CADM1: variants seen among roughly 807,000 people sequenced by gnomAD.
CADM1 encodes cell adhesion molecule 1.
A neutral mutation model predicts 53.1 loss-of-function variants in CADM1; 15 were observed. The ratio of observed to expected loss-of-function variants is 0.28; its 90% confidence interval spans 0.19 to 0.44. CADM1 has a LOEUF of 0.44. Ranked by LOEUF, CADM1 falls within the 20% of genes least tolerant of loss-of-function variation. The probability of loss-of-function intolerance (pLI) is 1.00; values close to 1 mark genes in which losing one functional copy is unlikely to be tolerated. For synonymous variants in CADM1, 281 were observed against 243.0 expected, an observed-to-expected ratio of 1.16 and a Z score of -1.45; for missense variants, 434 against 611.3, an observed-to-expected ratio of 0.71 and a Z score of 3.06.
chr11:115,459,413 C>T (rs899182236), intron 1 of CADM1, among the ~76,000 whole-genome samples: 3 of 151,922 alleles, frequency 2.0e-5, no homozygotes, highest in African/African-American at 7.3e-5. Context: ...TTACATTTTC[C>T]AAAGAGAAAT....
intron 1 of CADM1, among the ~76,000 whole-genome samples, chr11:115,301,637 T>C (rs1944224293): frequency 2.0e-5 from 3 of 152,074 alleles, no homozygotes; most frequent in Admixed American, 2.0e-4. Flanking sequence ...AGTAATATGA[T>C]ACAGTGCATA....
intron 1 of CADM1, among the ~76,000 whole-genome samples, chr11:115,503,982 GC>G (rs1378137461): frequency 1.3e-5 from 2 of 152,122 alleles, no homozygotes; most frequent in Non-Finnish European, 2.9e-5. Flanking sequence ...CAGCCCCCGG[GC>G]CCCCCATTCT....
intron 1 of CADM1, among the ~76,000 whole-genome samples, chr11:115,269,288 C>G (rs1170807286): frequency 1.3e-5 from 2 of 152,148 alleles, no homozygotes; most frequent in Non-Finnish European, 2.9e-5. Context: ...AAATCAACAT[C>G]AGAGACAAGC....
At chr11:115,381,336 T>C (rs1380896634) in intron 1 of CADM1, among the ~76,000 whole-genome samples, 1 of 149,222 alleles carries the variant, frequency 6.7e-6, no homozygotes, top group Non-Finnish European at 1.5e-5. Context: ...CTTTCAAGAC[T>C]GTGCAAAATG....
intron 1 of CADM1, among the ~76,000 whole-genome samples, chr11:115,357,891 A>C (rs1424840659): frequency 6.6e-6 from 1 of 152,216 alleles, no homozygotes; most frequent in African/African-American, 2.4e-5. Context: ...AACAGAAAAA[A>C]GTCTGTCTTT....
intron 1 of CADM1, among the ~76,000 whole-genome samples, chr11:115,493,765 CAATT>C (rs1235346868): frequency 6.6e-6 from 1 of 152,050 alleles, no homozygotes; most frequent in Non-Finnish European, 1.5e-5. Context: ...AATGATCAAA[CAATT>C]TGTAGAACTA....
chr11:115,371,049 G>C (rs1946294111), intron 1 of CADM1, among the ~76,000 whole-genome samples: 1 of 152,034 alleles, frequency 6.6e-6, no homozygotes, highest in Admixed American at 6.5e-5. Flanking sequence ...CATATTTCAA[G>C]CAAAGCTAAA....
At chr11:115,206,318 G>A (rs1940674988) in intron 8 of CADM1, among the ~76,000 whole-genome samples, 1 of 152,178 alleles carries the variant, frequency 6.6e-6, no homozygotes, top group South Asian at 2.1e-4. Context: ...GCCACATTTA[G>A]ATGTGTGCCT....
intron 1 of CADM1, among the ~76,000 whole-genome samples, chr11:115,449,295 G>C (rs1948519483): frequency 6.6e-6 from 1 of 152,130 alleles, no homozygotes; most frequent in Admixed American, 6.6e-5. Flanking sequence ...CCAAAACTGT[G>C]AGCAATACAT....
chr11:115,266,920 C>T (rs545402042), intron 1 of CADM1, among the ~76,000 whole-genome samples: 9 of 152,276 alleles, frequency 5.9e-5, no homozygotes, highest in Non-Finnish European at 7.3e-5. Context: ...TTGTTTTAAC[C>T]GTGATGTGAT....
chr11:115,372,437 C>T (rs58313857), intron 1 of CADM1, among the ~76,000 whole-genome samples: 1 of 152,118 alleles, frequency 6.6e-6, no homozygotes, highest in East Asian at 1.9e-4. Context: ...GTTGCTCCCC[C>T]ACTTATAAGA....
intron 1 of CADM1, chr11:115,287,449 C>T (rs1023835651): frequency 1.3e-5 from 2 of 152,252 alleles, no homozygotes; most frequent in African/African-American, 2.4e-5. Context: ...GAGCTCCACG[C>T]TCCTGGCCTC....
intron 9 of CADM1, among the ~76,000 whole-genome samples, chr11:115,196,685 C>T (rs140335218): frequency 0.012 from 1,772 of 151,214 alleles, 94 homozygotes; most frequent in Admixed American, 0.1. Flanking sequence ...CATTCAAAGC[C>T]GTCCTGGGCC....
chr11:115,333,472 T>G (rs1192365528), intron 1 of CADM1: 1 of 152,152 alleles, frequency 6.6e-6, no homozygotes, highest in Non-Finnish European at 1.5e-5. Flanking sequence ...TTCTTAGTCT[T>G]TATGAGATCA....
intron 1 of CADM1, among the ~76,000 whole-genome samples, chr11:115,309,481 T>G (rs1944475544): frequency 6.6e-6 from 1 of 152,162 alleles, no homozygotes; most frequent in African/African-American, 2.4e-5. Flanking sequence ...GAGCTAGGTA[T>G]TTATGCCAAT....
intron 1 of CADM1, chr11:115,399,652 T>G (rs529756112): frequency 2.6e-5 from 4 of 151,402 alleles, no homozygotes; most frequent in East Asian, 1.9e-4. Context: ...AAAAGAGCTG[T>G]TTTTTTTCAT....
At chr11:115,432,837 T>C (rs1407989066) in intron 1 of CADM1, among the ~76,000 whole-genome samples, 1 of 152,220 alleles carries the variant, frequency 6.6e-6, no homozygotes, top group Admixed American at 6.5e-5. Context: ...AACAAGAGTC[T>C]ATCGGCTTAC....
Position 115,238,667 on chromosome 11 carries a change from A to G in CADM1, c.272-15T>C. On this transcript the variant is annotated splice_polypyrimidine_tract_variant and intron_variant, in intron 2 of 11. Transcript: ENST00000331581. Reference sequence around the variant, plus strand: ...GTCCTTCAAAGCTGTGAAACAAAACAGAGAGTTAGTGATTGTGAGAAGGTG... The same window carrying G: ...GTCCTTCAAAGCTGTGAAACAAAACGGAGAGTTAGTGATTGTGAGAAGGTG... 6.2e-7 allele frequency: 1 copy of G among 1,613,430 alleles called. No individual in the cohort carries two copies. Among genetic ancestry groups the G allele is most frequent in the Non-Finnish European group, 8.5e-7 (1 of 1,179,526 alleles).
intron 1 of CADM1, among the ~76,000 whole-genome samples, chr11:115,354,859 ATTAAC>A (rs1273124251): frequency 6.6e-6 from 1 of 152,150 alleles, no homozygotes; most frequent in African/African-American, 2.4e-5. Context: ...ATTAGTAATA[ATTAAC>A]TTAATTATAA....
Sources: allele counts gnomAD v4.1 joint callset (sites outside exome capture counted in the v4.1 genomes callset), GRCh38; gene constraint gnomAD v4.1.1; transcripts MANE v1.5; gene names NCBI Gene and HGNC (gene_info 2026-07-23, HGNC 2026-07-21).